LDLRAD4: variants seen among roughly 807,000 people sequenced by gnomAD.
LDLRAD4 encodes the protein low-density lipoprotein receptor class A domain-containing protein 4.
Under a neutral mutation model 17.0 loss-of-function variants are expected in LDLRAD4, and 5 were observed. That is an observed-to-expected ratio of 0.29 (90% CI 0.15 to 0.62). The LOEUF is 0.62. LDLRAD4 is among the 20% of genes least tolerant of loss of function. The pLI, the probability that LDLRAD4 is intolerant of heterozygous loss-of-function variation, is 0.84. For missense variants in LDLRAD4, 340 were observed against 424.7 expected (o/e 0.80, Z 1.75); for synonymous variants, 168 against 171.8 (o/e 0.98, Z 0.17).
At chr18:13,469,767 G>A (rs2092718676) in intron 3 of LDLRAD4, among the ~76,000 whole-genome samples, 1 of 152,192 alleles carries the variant, frequency 6.6e-6, no homozygotes, top group African/African-American at 2.4e-5. Context: ...AGAGTTTTGT[G>A]TTCAGGGAAG....
chr18:13,566,539 T>C (rs1321965819), intron 3 of LDLRAD4, among the ~76,000 whole-genome samples: 1 of 152,116 alleles, frequency 6.6e-6, no homozygotes, highest in Non-Finnish European at 1.5e-5. Context: ...ATCTTTGTAT[T>C]TTTAGTAGAG....
At chr18:13,412,379 T>A (rs1469639869) in intron 2 of LDLRAD4, among the ~76,000 whole-genome samples, 2 of 152,236 alleles carry the variant, frequency 1.3e-5, no homozygotes, top group African/African-American at 4.8e-5. Flanking sequence ...CTGAAAAATT[T>A]CTGCTCATTT....
chr18:13,243,480 G>C (rs561288484), intron 1 of LDLRAD4, among the ~76,000 whole-genome samples: 3 of 137,860 alleles, frequency 2.2e-5, no homozygotes, highest in Non-Finnish European at 4.7e-5. Flanking sequence ...CCTTCCATCC[G>C]TGCACCTACC....
At chr18:13,269,698 C>G (rs967654260) in intron 1 of LDLRAD4, among the ~76,000 whole-genome samples, 25 of 152,094 alleles carry the variant, frequency 1.6e-4, no homozygotes, top group Non-Finnish European at 2.6e-4. Flanking sequence ...CAGTCTGAGT[C>G]GGCAGTGTGG....
intron 3 of LDLRAD4, among the ~76,000 whole-genome samples, chr18:13,514,135 A>G (rs2093826329): frequency 6.6e-6 from 1 of 152,218 alleles, no homozygotes; most frequent in Non-Finnish European, 1.5e-5. Flanking sequence ...AACTGTATAT[A>G]GGTCTCATTC....
At chr18:13,350,445 T>C (rs1006818725) in intron 1 of LDLRAD4, among the ~76,000 whole-genome samples, 2 of 152,266 alleles carry the variant, frequency 1.3e-5, no homozygotes, top group African/African-American at 4.8e-5. Flanking sequence ...GAAGTGTCTG[T>C]TCATATCCTT....
chr18:13,323,556 C>T (rs572117824), intron 1 of LDLRAD4, among the ~76,000 whole-genome samples: 1 of 152,052 alleles, frequency 6.6e-6, no homozygotes, highest in African/African-American at 2.4e-5. Context: ...TTTAAGGAGG[C>T]GCCAAACTCC....
Position 13,253,293 on chromosome 18 carries a change from G to A in LDLRAD4, c.-466-24812G>A, listed in dbSNP as rs539747074. Among the ~76,000 whole-genome samples the A allele has an allele frequency of 2.6e-5, 4 of 152,300 alleles. No homozygotes were observed. The South Asian group carries it at 6.2e-4, about 24-fold the overall frequency. ...CCTCGCCCGGAGCCTTGCTGTGATCGGCTGTGGTGGGGAAGCTGGGCGCCA... is the reference window on the plus strand; with the variant it reads ...CCTCGCCCGGAGCCTTGCTGTGATCAGCTGTGGTGGGGAAGCTGGGCGCCA... On this transcript the variant is annotated intron_variant, in intron 1 of 5. Transcript: ENST00000399848.
chr18:13,379,331 G>A (rs1373675221), intron 1 of LDLRAD4, among the ~76,000 whole-genome samples: 1 of 152,264 alleles, frequency 6.6e-6, no homozygotes, highest in East Asian at 1.9e-4. Flanking sequence ...CTTGTGTGTG[G>A]TGCCCAGATG....
At chr18:13,260,165 G>A (rs181230749) in intron 1 of LDLRAD4, among the ~76,000 whole-genome samples, 2 of 152,330 alleles carry the variant, frequency 1.3e-5, no homozygotes, top group East Asian at 1.9e-4. Context: ...AGAGCACACT[G>A]TAACTTCTAT....
chr18:13,500,249 A>G (rs528549152), intron 3 of LDLRAD4, among the ~76,000 whole-genome samples: 19 of 146,066 alleles, frequency 1.3e-4, no homozygotes, highest in African/African-American at 4.6e-4. Context: ...GCCCGGGAAT[A>G]GCAGCTGTCT....
At chr18:13,224,719 A>G (rs2041673583) in intron 1 of LDLRAD4, among the ~76,000 whole-genome samples, 1 of 150,592 alleles carries the variant, frequency 6.6e-6, no homozygotes, top group African/African-American at 2.4e-5. Context: ...TGACCTCATG[A>G]TCCGCCCGTC....
chr18:13,224,861 C>G (rs2041687722), intron 1 of LDLRAD4, among the ~76,000 whole-genome samples: 7 of 150,340 alleles, frequency 4.7e-5, no homozygotes, highest in Admixed American at 4.6e-4. Flanking sequence ...TAGAGTCTCC[C>G]TTTATTACCC....
At chr18:13,381,125 T>C (rs558604346) in intron 1 of LDLRAD4, among the ~76,000 whole-genome samples, 48 of 141,182 alleles carry the variant, frequency 3.4e-4, no homozygotes, top group African/African-American at 1.2e-3. Context: ...TTGCCCAGGC[T>C]GGAGTGCAGT....
chr18:13,432,209 G>A (rs1474072984), intron 2 of LDLRAD4, among the ~76,000 whole-genome samples: 1 of 152,224 alleles, frequency 6.6e-6, no homozygotes, highest in East Asian at 1.9e-4. Context: ...AAAAGCTGAC[G>A]TTTAAGAAGA....
chr18:13,482,378 C>T (rs113797083), intron 3 of LDLRAD4, among the ~76,000 whole-genome samples: 5 of 152,254 alleles, frequency 3.3e-5, no homozygotes, highest in African/African-American at 1.2e-4. Context: ...TTATTCTGTG[C>T]AAACCCCACC....
In LDLRAD4 at chr18:13,645,579, G is replaced by A. The variant is rs769170310; in HGVS notation, c.843G>A (p.Leu281=). ...GCAACGCACACAGGGGCAGCAGACT[G>A]CAGTTTCAGCAGAACAATGCAGAGA... The change falls in exon 6 of 6, where the codon CTG becomes CTA. Residue 281 remains leucine, a synonymous_variant. Coordinates refer to ENST00000359446, the Ensembl canonical transcript of LDLRAD4. This position sits in a 1 kb window ranked among gnomAD's most constrained non-coding sequence, Gnocchi z 5.7. 15 of 1,597,340 alleles carry A rather than the reference G, an allele frequency of 9.4e-6. No individual in the cohort carries two copies. The highest frequency in any genetic ancestry group is 1.7e-5 in the Admixed American group (1 of 57,488).
chr18:13,604,321 G>A (rs563128319), intron 3 of LDLRAD4, among the ~76,000 whole-genome samples: 16 of 152,322 alleles, frequency 1.1e-4, no homozygotes, highest in African/African-American at 2.4e-4. Flanking sequence ...CGCTTAGGAC[G>A]GGTGCAGGCC....
chr18:13,222,526 G>A (rs1027980257), intron 1 of LDLRAD4, among the ~76,000 whole-genome samples: 1 of 152,118 alleles, frequency 6.6e-6, no homozygotes, highest in Non-Finnish European at 1.5e-5. Flanking sequence ...ATAAATTACC[G>A]CTGTCTGCAA....
Sources: gnomAD v4.1 joint callset for allele counts (sites outside exome capture counted in the v4.1 genomes callset) on GRCh38, gnomAD v4.1.1 for gene constraint, Gnocchi (gnomAD v3.1) non-coding constraint, MANE v1.5 for transcripts, NCBI Gene and HGNC (gene_info 2026-07-23, HGNC 2026-07-21) for gene names.